The following MNAT1 variants were observed in gnomAD, a reference collection of about 807,000 sequenced individuals.
MNAT1 encodes CDK-activating kinase assembly factor MAT1.
In MNAT1, 43 loss-of-function variants were observed where a neutral mutation model predicts 42.0. The ratio of observed to expected loss-of-function variants is 1.02; its 90% CI spans 0.80 to 1.32. The LOEUF (loss-of-function observed/expected upper bound fraction) is 1.32, where lower values mean the gene tolerates loss of function less well. MNAT1 is among the 40% of genes most tolerant of loss of function. MNAT1 has a pLI of 0.00. For synonymous variants in MNAT1, 118 were observed against 120.0 expected (o/e 0.98, Z 0.11); for missense variants, 306 against 350.4 (o/e 0.87, Z 1.01).
intron 6 of MNAT1, among the ~76,000 whole-genome samples, chr14:60,846,833 G>C (rs1287523588): frequency 6.6e-6 from 1 of 152,154 alleles, no homozygotes; most frequent in Non-Finnish European, 1.5e-5. Flanking sequence ...GGAAGAATGT[G>C]TTAGATGTTA....
chr14:60,822,240 T>C (rs894797135), intron 6 of MNAT1, among the ~76,000 whole-genome samples: 2 of 152,186 alleles, frequency 1.3e-5, no homozygotes, highest in Non-Finnish European at 2.9e-5. Flanking sequence ...TAATGTTCTA[T>C]TTATTTAAAA....
At chr14:60,862,722 T>G (rs1256733070) in intron 6 of MNAT1, among the ~76,000 whole-genome samples, 2 of 152,218 alleles carry the variant, frequency 1.3e-5, no homozygotes, top group African/African-American at 4.8e-5. Context: ...TTCAAATATA[T>G]TTTTATCTTT....
At chr14:60,852,762 A>AT (rs1303045483) in intron 6 of MNAT1, among the ~76,000 whole-genome samples, 1 of 152,184 alleles carries the variant, frequency 6.6e-6, no homozygotes, top group Non-Finnish European at 1.5e-5. Context: ...TTTTCTGCAT[A>AT]TGGCTAGCCA....
chr14:60,879,008 C>T (rs1221055984), intron 6 of MNAT1, among the ~76,000 whole-genome samples: 1 of 152,008 alleles, frequency 6.6e-6, no homozygotes, highest in Admixed American at 6.6e-5. Context: ...TGTTAATCAT[C>T]AGTCCTTTTC....
At chr14:60,796,633 T>G (rs2032028108) in intron 2 of MNAT1, among the ~76,000 whole-genome samples, 1 of 152,182 alleles carries the variant, frequency 6.6e-6, no homozygotes, top group Admixed American at 6.6e-5. Context: ...ACCTACTATG[T>G]GTAAACACTA....
intron 7 of MNAT1, among the ~76,000 whole-genome samples, chr14:60,906,564 G>T (rs1355684161): frequency 6.6e-6 from 1 of 152,098 alleles, no homozygotes; most frequent in African/African-American, 2.4e-5. Context: ...AATAATTTTT[G>T]ATGGATTGGT....
chr14:60,887,980 C>T (rs1252162391), intron 7 of MNAT1, among the ~76,000 whole-genome samples: 1 of 149,890 alleles, frequency 6.7e-6, no homozygotes, highest in Non-Finnish European at 1.5e-5. Context: ...AAAAAGAGTC[C>T]AGGACCAGAT....
chr14:60,960,358 A>G (rs555180461), intron 7 of MNAT1, among the ~76,000 whole-genome samples: 1 of 152,344 alleles, frequency 6.6e-6, no homozygotes, highest in South Asian at 2.1e-4. Context: ...GTAGTTCTCT[A>G]GGCCTCTGCC....
intron 6 of MNAT1, among the ~76,000 whole-genome samples, chr14:60,839,393 C>T (rs923884121): frequency 3.3e-5 from 5 of 152,182 alleles, no homozygotes; most frequent in African/African-American, 1.2e-4. Context: ...GGAGCTACCC[C>T]CTTCCAGTCT....
At chr14:60,942,254 C>G (rs146496850) in intron 7 of MNAT1, among the ~76,000 whole-genome samples, 1 of 152,040 alleles carries the variant, frequency 6.6e-6, no homozygotes, top group Non-Finnish European at 1.5e-5. Flanking sequence ...CCATTTGTTG[C>G]TGCTGCTGCT....
At chr14:60,907,172 T>C (rs2035217850) in intron 7 of MNAT1, among the ~76,000 whole-genome samples, 1 of 152,174 alleles carries the variant, frequency 6.6e-6, no homozygotes. Flanking sequence ...CTGGACACGG[T>C]GGTTCACACC....
chr14:60,799,618 G>T (rs189905585), intron 3 of MNAT1, among the ~76,000 whole-genome samples: 18 of 151,848 alleles, frequency 1.2e-4, no homozygotes, highest in African/African-American at 4.3e-4. Flanking sequence ...ATACAGAGAA[G>T]GTGAGGAATA....
chr14:60,829,927 TC>T (rs1455048604), intron 6 of MNAT1, among the ~76,000 whole-genome samples: 1 of 152,212 alleles, frequency 6.6e-6, no homozygotes, highest in Non-Finnish European at 1.5e-5. Context: ...TTTATCAAGT[TC>T]CTATAACATT....
chr14:60,819,816 T>G (rs114502414), intron 6 of MNAT1, among the ~76,000 whole-genome samples: 480 of 152,274 alleles, frequency 3.2e-3, no homozygotes, highest in African/African-American at 0.011. Flanking sequence ...AATAAGCCTT[T>G]TTTTCCCATC....
intron 6 of MNAT1, among the ~76,000 whole-genome samples, chr14:60,861,516 GT>G (rs1188329915): frequency 1.3e-5 from 2 of 151,488 alleles, no homozygotes; most frequent in African/African-American, 4.9e-5. Flanking sequence ...ATGTCATTAG[GT>G]TTTTTTCACC....
At chr14:60,851,319 T>G (rs895998668) in intron 6 of MNAT1, among the ~76,000 whole-genome samples, 4 of 152,208 alleles carry the variant, frequency 2.6e-5, no homozygotes, top group Non-Finnish European at 5.9e-5. Flanking sequence ...AATGCATTTT[T>G]CTCGGCAAGG....
intron 6 of MNAT1, among the ~76,000 whole-genome samples, chr14:60,827,826 A>G (rs1052375836): frequency 6.6e-6 from 1 of 152,188 alleles, no homozygotes; most frequent in African/African-American, 2.4e-5. Context: ...CTAGGTGAGT[A>G]TCAGGTGATT....
chr14:60,794,389 G>A (rs966152069), intron 1 of MNAT1, among the ~76,000 whole-genome samples: 1 of 151,834 alleles, frequency 6.6e-6, no homozygotes, highest in African/African-American at 2.4e-5. Context: ...TATAGGCCAG[G>A]AGTGGTGGCT....
rs557272043 is a variant in MNAT1, at chr14:60,749,667, C to CTCTATAA, written c.89+14717_89+14723dup. Reference sequence around the variant, plus strand: ...AAATCTATGAATTCAAGTAAATTTACTCTATAAAGAGTTATTTTCAGTAGT... The same window carrying CTCTATAA: ...AAATCTATGAATTCAAGTAAATTTACTCTATAATCTATAAAGAGTTATTTTCAGTAGT... On this transcript the variant is annotated intron_variant, in intron 1 of 7. Coordinates refer to ENST00000261245, the MANE Select transcript of MNAT1 (RefSeq NM_002431.4). Among the ~76,000 whole-genome samples, 744 of 152,190 alleles carry CTCTATAA rather than the reference C, an allele frequency of 4.9e-3. 10 individuals carry two copies. The highest frequency in any genetic ancestry group is 0.016 in the African/African-American group (670 of 41,520).
Sources: allele counts gnomAD v4.1 joint callset (sites outside exome capture counted in the v4.1 genomes callset), GRCh38; gene constraint gnomAD v4.1.1; transcripts MANE v1.5; gene names NCBI Gene and HGNC (gene_info 2026-07-23, HGNC 2026-07-21).